ZNF701: variants seen among roughly 807,000 people sequenced by gnomAD.
ZNF701 encodes zinc finger protein 701.
Under a neutral mutation model 7.1 loss-of-function variants are expected in ZNF701, and 6 were observed. That is an observed-to-expected ratio of 0.84 (90% confidence interval 0.46 to 1.66). ZNF701 has a LOEUF of 1.66. Ranked by LOEUF, ZNF701 falls within the 40% of genes most tolerant of loss-of-function variation. ZNF701 has a pLI of 0.01. For synonymous variants in ZNF701, 166 were observed against 188.2 expected, an observed-to-expected ratio of 0.88 and a Z score of 0.97; for missense variants, 541 against 559.2, an observed-to-expected ratio of 0.97 and a Z score of 0.33.
chr19:52,581,273 G>A (rs1254367848), intron 3 of ZNF701, among the ~76,000 whole-genome samples: 2 of 152,190 alleles, frequency 1.3e-5, no homozygotes, highest in African/African-American at 4.8e-5. Context: ...AGGGTGGAGT[G>A]CAGTGGCACA....
In ZNF701 at chr19:52,584,074, C is replaced by T. The variant is rs779182360; in HGVS notation, c.*617C>T. 4.5e-6 allele frequency: 2 copies of T among 444,980 alleles called. No individual in the cohort carries two copies. The highest frequency in any genetic ancestry group is 2.6e-5 in the Admixed American group (1 of 38,328). 27.6% of individuals were successfully genotyped at this position (444,980 alleles called of 1,614,324 possible). A position where few individuals can be genotyped will look rare whatever the true frequency, so the allele number is the denominator to read the frequency against. On this transcript the variant is annotated 3_prime_UTR_variant, in exon 4 of 4. Transcript: ENST00000391785. ...GATTGTGAGCAAAGCCTTTACTTCA[C>T]GTTCACACCACATTAGATATCAGAG...
Position 52,584,371 on chromosome 19 carries a change from C to G in ZNF701, c.*914C>G. ...GGCGTGTGGCTCACGCCTGTAAATC[C>G]AGCACTTTAGGAGCCCAAGGTGGAT... On this transcript the variant is annotated 3_prime_UTR_variant, in exon 4 of 4. Transcript: ENST00000391785. 1 of 158,932 alleles carries G rather than the reference C, an allele frequency of 6.3e-6. No individual in the cohort carries two copies. Among genetic ancestry groups the G allele is most frequent in the Non-Finnish European group, 1.4e-5 (1 of 71,938 alleles). 9.8% of individuals were successfully genotyped at this position (158,932 alleles called of 1,614,324 possible).
At chr19:52,575,612 A>G (rs921313757) in intron 2 of ZNF701, 18 of 353,946 alleles carry the variant, frequency 5.1e-5, no homozygotes, top group Admixed American at 2.4e-4. Flanking sequence ...CCGTCCTCCC[A>G]CCTCAGCCTT....
At position 52,587,126 on chromosome 19, in the gene ZNF701, G is replaced by A. The variant is rs1410458255; in HGVS notation, c.*3669G>A. On this transcript the variant is annotated 3_prime_UTR_variant, in exon 4 of 4. Transcript: ENST00000391785. ...GTGTACTTCTGGGTGCTTAGCTGAG[G>A]TTGACACCATGTATTTTAAATATGG... The A allele has an allele frequency of 7.9e-5, 12 of 152,146 alleles. No homozygotes were observed. The highest frequency in any genetic ancestry group is 2.9e-4 in the African/African-American group (12 of 41,420). The allele number at this position is 152,146 out of a possible 1,614,324, so 9.4% of individuals were successfully genotyped here. A position where few individuals can be genotyped will look rare whatever the true frequency, so the allele number is the denominator to read the frequency against.
chr19:52,593,702 G>A, the ZNF701 span, among the ~76,000 whole-genome samples: 4 of 111,754 alleles, frequency 3.6e-5, no homozygotes, highest in East Asian at 9.4e-4. Flanking sequence ...CCAGGCAGAG[G>A]GTCTCCTCAC....
chr19:52,571,409 G>GGCAGAGAT (rs550031218), intron 1 of ZNF701, among the ~76,000 whole-genome samples: 5 of 152,028 alleles, frequency 3.3e-5, no homozygotes, highest in Non-Finnish European at 7.4e-5. Flanking sequence ...CAGGGAGAGC[G>GGCAGAGAT]GCAGAGATGC....
At chr19:52,571,671 C>T (rs2059901086) in intron 1 of ZNF701, among the ~76,000 whole-genome samples, 1 of 151,802 alleles carries the variant, frequency 6.6e-6, no homozygotes. Context: ...CCCAAGCATT[C>T]TTGATTGAAA....
rs537160034 is a variant in ZNF701, at chr19:52,584,717, A to G, written c.*1260A>G. 8.5e-5 allele frequency: 13 copies of G among 152,328 alleles called. No homozygotes were observed. Among genetic ancestry groups the G allele is most frequent in the African/African-American group, 2.6e-4 (11 of 41,568 alleles). 9.4% of individuals were successfully genotyped at this position (152,328 alleles called of 1,614,324 possible). Reference sequence around the variant, plus strand: ...TGGAAGTGTTTTTTAATTTTCGTTTAAATTTTTTATTGTTTATGGAAATTC... The same window carrying G: ...TGGAAGTGTTTTTTAATTTTCGTTTGAATTTTTTATTGTTTATGGAAATTC... On this transcript the variant is annotated 3_prime_UTR_variant, in exon 4 of 4. Transcript: ENST00000391785.
At chr19:52,589,620 C>T (rs2147005285), downstream of ZNF701, among the ~76,000 whole-genome samples, 1 of 152,080 alleles carries the variant, frequency 6.6e-6, no homozygotes, top group Middle Eastern at 3.4e-3. Context: ...GCTGGGATGA[C>T]AGGCAGGTGC....
At chr19:52,597,102 TGTG>T in the ZNF701 span, 36 of 1,085,300 alleles carry the variant, frequency 3.3e-5, no homozygotes, top group East Asian at 2.3e-4. Flanking sequence ...GTGTAATAAA[TGTG>T]GTAAAATTTT....
intron 1 of ZNF701, 96 bp from the exon 2 acceptor site, chr19:52,573,981 T>C (rs2059916507): frequency 7.6e-7 from 1 of 1,315,116 alleles, no homozygotes; most frequent in Non-Finnish European, 1.1e-6. Context: ...GGTGACCATA[T>C]TTTTTCAGAG....
chr19:52,574,424 C>T (rs969296182), intron 2 of ZNF701, among the ~76,000 whole-genome samples: 5 of 152,060 alleles, frequency 3.3e-5, no homozygotes, highest in Admixed American at 1.3e-4. Flanking sequence ...GTGAGGGTCC[C>T]GCAGTGTCAG....
chr19:52,574,569 G>A (rs1395978638), intron 2 of ZNF701, among the ~76,000 whole-genome samples: 3 of 152,110 alleles, frequency 2.0e-5, no homozygotes, highest in African/African-American at 7.2e-5. Flanking sequence ...TTCTAGAAAA[G>A]GAGACCAATA....
intron 2 of ZNF701, 137 bp downstream of exon 2, chr19:52,574,299 C>A: frequency 7.1e-7 from 1 of 1,410,834 alleles, no homozygotes; most frequent in Non-Finnish European, 9.9e-7. Context: ...TTCCCTCAGT[C>A]CCTGTCATCT....
In ZNF701 at chr19:52,584,508, T is replaced by C. The variant is rs1275725382; in HGVS notation, c.*1051T>C. 2 of 152,662 alleles carry C rather than the reference T, an allele frequency of 1.3e-5. No homozygotes were observed. Among genetic ancestry groups the C allele is most frequent in the Admixed American group, 6.5e-5 (1 of 15,306 alleles). 9.5% of individuals were successfully genotyped at this position (152,662 alleles called of 1,614,324 possible). On this transcript the variant is annotated 3_prime_UTR_variant, in exon 4 of 4. Transcript: ENST00000391785. ...AAACCAATAGGGGTTTTTATAGGTATTGTGTTGAATCTGAATCACATTGGC... is the reference window on the plus strand; with the variant it reads ...AAACCAATAGGGGTTTTTATAGGTACTGTGTTGAATCTGAATCACATTGGC...
chr19:52,576,835 GTTATCTC>G (rs1164186692), intron 3 of ZNF701, among the ~76,000 whole-genome samples: 1 of 152,158 alleles, frequency 6.6e-6, no homozygotes, highest in Non-Finnish European at 1.5e-5. Flanking sequence ...ATGCTGATAT[GTTATCTC>G]CATGTTGGAG....
downstream of ZNF701, among the ~76,000 whole-genome samples, chr19:52,590,567 C>G (rs1600096338): frequency 6.6e-6 from 1 of 152,140 alleles, no homozygotes; most frequent in African/African-American, 2.4e-5. Context: ...TTTCTTGAAG[C>G]TGTCTCTTAA....
In ZNF701 at chr19:52,577,609, CA is replaced by C. The variant is rs1439469497; in HGVS notation, c.142+1590del. Among the ~76,000 whole-genome samples the C allele has an allele frequency of 9.9e-5, 15 of 152,008 alleles. No individual in the cohort carries two copies. The East Asian group carries it at 2.5e-3, about 26-fold the overall frequency. On this transcript the variant is annotated intron_variant, in intron 3 of 3. Coordinates refer to ENST00000391785, the MANE Select transcript of ZNF701 (RefSeq NM_018260.3). ...ACATGGTGAGAAGTGACCTAGAAGG[CA>C]AGAGGTGAGCCCTCTGTCACACCCG...
chr19:52,590,107 G>GTTTTT, downstream of ZNF701, among the ~76,000 whole-genome samples: 1 of 137,328 alleles, frequency 7.3e-6, no homozygotes, highest in Non-Finnish European at 1.6e-5. Flanking sequence ...TTTTTTTATT[G>GTTTTT]TTTTTTTTTT....
Sources: allele counts gnomAD v4.1 joint callset (sites outside exome capture counted in the v4.1 genomes callset), GRCh38; gene constraint gnomAD v4.1.1; transcripts MANE v1.5; gene names NCBI Gene and HGNC (gene_info 2026-07-23, HGNC 2026-07-21).